SNED1: variants seen among roughly 807,000 people sequenced by gnomAD.
SNED1 encodes sushi, nidogen and EGF like domains 1, also known as sushi, nidogen and EGF-like domain-containing protein 1.
SNED1 carries 81 observed loss-of-function variants against 166.7 expected under a neutral mutation model. That is an observed-to-expected ratio of 0.49 (90% CI 0.41 to 0.58). The LOEUF (loss-of-function observed/expected upper bound fraction) is 0.58. Ranked by LOEUF, SNED1 falls within the 20% of genes least tolerant of loss-of-function variation. The probability of loss-of-function intolerance (pLI) is 0.00; values close to 1 mark genes in which losing one functional copy is unlikely to be tolerated. For synonymous variants in SNED1, 762 were observed against 822.0 expected (o/e 0.93, Z 1.25); for missense variants, 1,604 against 2,000.2 (o/e 0.80, Z 3.78).
intron 29 of SNED1, among the ~76,000 whole-genome samples, chr2:241,083,237 C>T (rs7563717): frequency 0.037 from 5,672 of 152,206 alleles, 361 homozygotes; most frequent in African/African-American, 0.13. Context: ...GAGGGATGGA[C>T]ATTCCAGAGC....
At chr2:241,049,212 C>A in intron 11 of SNED1, 77 bp downstream of exon 11, 2 of 1,086,856 alleles carry the variant, frequency 1.8e-6, no homozygotes, top group Non-Finnish European at 2.7e-6. Flanking sequence ...ATGAGGCAGG[C>A]AGAGGCCAGA....
chr2:241,073,662 C>G lies in SNED1; in HGVS notation c.3916+298C>G. 2.0e-6 allele frequency: 1 copy of G among 504,852 alleles called. No individual in the cohort carries two copies. The highest frequency in any genetic ancestry group is 3.5e-6 in the Non-Finnish European group (1 of 284,718). 31.3% of individuals were successfully genotyped at this position (504,852 alleles called of 1,614,324 possible). A position where few individuals can be genotyped will look rare whatever the true frequency, so the allele number is the denominator to read the frequency against. On this transcript the variant is annotated intron_variant, in intron 27 of 31. Coordinates refer to ENST00000310397, the MANE Select transcript of SNED1 (RefSeq NM_001080437.3). The surrounding 1 kb of genome is among the most constrained non-coding windows in gnomAD (Gnocchi z 6.6). ...TCCCCTCCCCTCTCCTCCTTCGCCT[C>G]CACATGCAGCAGAGCCCACCCCAGC...
chr2:241,050,101 A>G (rs893453050), intron 12 of SNED1, 168 bp downstream of exon 12: 7 of 684,820 alleles, frequency 1.0e-5, no homozygotes, highest in Non-Finnish European at 1.9e-5. Context: ...TGAGCACCTC[A>G]CTGTTTGGAT....
intron 9 of SNED1, 68 bp downstream of exon 9, chr2:241,048,508 G>A: frequency 6.5e-7 from 1 of 1,534,380 alleles, no homozygotes; most frequent in Non-Finnish European, 8.8e-7. Flanking sequence ...GCCTTCCTGT[G>A]GGTGCATGCA....
At chr2:241,020,267 A>G (rs2060732172) in intron 1 of SNED1, among the ~76,000 whole-genome samples, 1 of 152,248 alleles carries the variant, frequency 6.6e-6, no homozygotes, top group Admixed American at 6.5e-5. Context: ...GGTCCTTAAG[A>G]GTCCTAAGGC....
intron 31 of SNED1, 84 bp downstream of exon 31, chr2:241,088,486 C>A: frequency 9.1e-7 from 1 of 1,096,152 alleles, no homozygotes; most frequent in Non-Finnish European, 1.4e-6. Flanking sequence ...TCTCAGAGTG[C>A]CGCTGCCTGC....
intron 31 of SNED1, chr2:241,090,523 TC>T: frequency 7.0e-7 from 1 of 1,418,702 alleles, no homozygotes; most frequent in South Asian, 1.4e-5. Flanking sequence ...TATTATGTAC[TC>T]TACATAATTG....
intron 8 of SNED1, chr2:241,040,788 C>T (rs1574962827): frequency 2.1e-6 from 1 of 475,824 alleles, no homozygotes; most frequent in South Asian, 1.6e-5. Flanking sequence ...TCCTCTCCTA[C>T]TCTAGAACCC....
chr2:241,064,079 C>A lies in SNED1; in HGVS notation c.2553C>A (p.Tyr851Ter). The change falls in exon 19 of 32, where the codon TAC (tyrosine) becomes TAA (stop). Residue 851 changes from tyrosine (Y) to a stop codon, truncating the protein, a stop_gained. Transcript: ENST00000310397. LOFTEE classifies it high-confidence loss of function. The surrounding 1 kb of genome is among the most constrained non-coding windows in gnomAD (Gnocchi z 7.0). ...GGRCESGGGA[Y>*]LCVCPESFFG... ...GGTGTGAGAGCGGCGGCGGGGCCTA[C>A]CTGTGCGTCTGCCCAGAGAGCTTCT... 6.4e-7 allele frequency: 1 copy of A among 1,570,158 alleles called. No individual in the cohort carries two copies.
chr2:241,038,012 C>T (rs527754037), intron 6 of SNED1, among the ~76,000 whole-genome samples: 78 of 152,200 alleles, frequency 5.1e-4, no homozygotes, highest in African/African-American at 1.8e-3. Flanking sequence ...GCCCTTCCCC[C>T]GGCACCTCTT....
chr2:241,087,878 T>C, intron 30 of SNED1: 1 of 438,434 alleles, frequency 2.3e-6, no homozygotes, highest in Non-Finnish European at 3.9e-6. Flanking sequence ...CAAGAATTAC[T>C]ACTGTTTGGC....
chr2:241,002,085 G>T (rs918232417), intron 1 of SNED1, among the ~76,000 whole-genome samples: 1 of 152,140 alleles, frequency 6.6e-6, no homozygotes, highest in African/African-American at 2.4e-5. Context: ...TCTGGTGTGG[G>T]AGTTCACATG....
chr2:241,073,066 GA>G lies in SNED1; in HGVS notation c.3818-199del. 2 of 568,386 alleles carry G rather than the reference GA, an allele frequency of 3.5e-6. No homozygotes were observed. Among genetic ancestry groups the G allele is most frequent in the Non-Finnish European group, 6.3e-6 (2 of 318,658 alleles). 35.2% of individuals were successfully genotyped at this position (568,386 alleles called of 1,614,324 possible). On this transcript the variant is annotated intron_variant, in intron 26 of 31. Transcript: ENST00000310397. This position sits in a 1 kb window ranked among gnomAD's most constrained non-coding sequence, Gnocchi z 6.6. ...GCAAGGGGAAGGCCGAGCCCCTCCA[GA>G]GGGTCAGCAGGAGGGTGAGGCCAGC... is the stretch of plus-strand genomic sequence containing the variant.
intron 21 of SNED1, among the ~76,000 whole-genome samples, chr2:241,066,490 G>C (rs2062456057): frequency 1.3e-5 from 2 of 152,230 alleles, no homozygotes. Context: ...GTGGGGTGCA[G>C]GGCCATGGGG....
At chr2:241,014,072 G>A (rs991172264) in intron 1 of SNED1, among the ~76,000 whole-genome samples, 4 of 151,306 alleles carry the variant, frequency 2.6e-5, no homozygotes, top group African/African-American at 4.9e-5. Flanking sequence ...GCAGTGGTGC[G>A]ATCTCAGTTC....
Position 241,052,064 on chromosome 2 carries a change from G to GC in SNED1, c.1876_1877insC (p.Gly626AlafsTer19). ...AGGGAAGCCAGACTCGTGTGCCTCTGGCCCCTGTCACAACGGCGGCACCTG... is the reference window on the plus strand; with the variant it reads ...AGGGAAGCCAGACTCGTGTGCCTCTGCGCCCCTGTCACAACGGCGGCACCTG... On this transcript the variant is annotated frameshift_variant, in exon 14 of 32. Transcript: ENST00000310397. LOFTEE classifies it high-confidence loss of function. 1 of 1,613,880 alleles carries GC rather than the reference G, an allele frequency of 6.2e-7. No homozygotes were observed. The highest frequency in any genetic ancestry group is 1.1e-5 in the South Asian group (1 of 91,070).
chr2:241,037,242 G>A lies in SNED1; in HGVS notation c.934G>A (p.Val312Met), dbSNP rs34949768. The part of the protein sequence containing the change: ...GFTGRRCHLD[V>M]NECASQPCQN... ...CCTCAGCCTGCCCCATGTTTCAGAC[G>A]TGAACGAATGTGCCTCCCAGCCCTG... The change falls in exon 6 of 32, where the codon GTG becomes ATG. Residue 312 changes from valine to methionine, a missense_variant and splice_region_variant. This residue lies in a region of SNED1 where 1,237 missense variants were observed against 1,620.8 expected (regional missense o/e 0.76). Coordinates refer to ENST00000310397, the MANE Select transcript of SNED1 (RefSeq NM_001080437.3). 4 of 1,607,720 alleles carry A rather than the reference G, an allele frequency of 2.5e-6. No individual in the cohort carries two copies. The highest frequency in any genetic ancestry group is 2.2e-5 in the South Asian group (2 of 89,716).
chr2:241,077,401 C>T (rs149018478), intron 27 of SNED1, among the ~76,000 whole-genome samples: 1 of 152,104 alleles, frequency 6.6e-6, no homozygotes. Flanking sequence ...TGAGCAACAA[C>T]AAAAATCTAT....
chr2:241,095,058 A>AAGCCCC lies in SNED1; in HGVS notation c.*3422_*3423insAGCCCC, dbSNP rs1444807098. ...GACTCATTGAGTTCCCTAAGGTGAC[A>AAGCCCC]CGCCCCCCCCCCCCCCCACACCCAC... On this transcript the variant is annotated 3_prime_UTR_variant, in exon 32 of 32. Coordinates refer to ENST00000310397, the MANE Select transcript of SNED1 (RefSeq NM_001080437.3). The AAGCCCC allele has an allele frequency of 5.2e-4, 25 of 47,964 alleles. 2 individuals carry two copies. The highest frequency in any genetic ancestry group is 6.6e-4 in the Non-Finnish European group (19 of 28,996). The allele number at this position is 47,964 out of a possible 1,614,324, so 3.0% of individuals were successfully genotyped here.
Sources: gnomAD v4.1 joint callset for allele counts (sites outside exome capture counted in the v4.1 genomes callset) on GRCh38, gnomAD v4.1.1 for gene constraint, gnomAD v4.1.1 regional missense constraint, Gnocchi (gnomAD v3.1) non-coding constraint, MANE v1.5 for transcripts, NCBI Gene and HGNC (gene_info 2026-07-23, HGNC 2026-07-21) for gene names.